TMEM51: variants seen among roughly 807,000 people sequenced by gnomAD.
TMEM51 encodes transmembrane protein 51.
A neutral mutation model predicts 13.6 loss-of-function variants in TMEM51; 8 were observed. That is an observed-to-expected ratio of 0.59 (90% CI 0.35 to 1.07). The LOEUF (loss-of-function observed/expected upper bound fraction) is 1.07. Ranked by LOEUF, TMEM51 falls within the 50% of genes least tolerant of loss-of-function variation. The pLI, the probability that TMEM51 is intolerant of heterozygous loss-of-function variation, is 0.02. For missense variants in TMEM51, 279 were observed against 330.7 expected (o/e 0.84, Z 1.21); for synonymous variants, 147 against 144.4 (o/e 1.02, Z -0.13).
At chr1:15,167,219 C>T (rs1277675253) in intron 1 of TMEM51, among the ~76,000 whole-genome samples, 14 of 148,704 alleles carry the variant, frequency 9.4e-5, no homozygotes, top group Admixed American at 2.8e-4. Flanking sequence ...CCCAGCTACT[C>T]GGGAAGCTGA....
Position 15,219,498 on chromosome 1 carries a change from A to C in TMEM51, c.517A>C (p.Thr173Pro). 6.2e-7 allele frequency: 1 copy of C among 1,613,936 alleles called. No individual in the cohort carries two copies. Among genetic ancestry groups the C allele is most frequent in the Non-Finnish European group, 8.5e-7 (1 of 1,179,992 alleles). ...GACGGGGCTCGACGAGACCACCCCC[A>C]CATCCACCAGGGCTGACGTGGAGGC... is the stretch of plus-strand genomic sequence containing the variant. Reference protein sequence around the residue: ...SLTGLDETTPTSTRADVEASP... With the variant: ...SLTGLDETTPPSTRADVEASP... Residue 173 changes from threonine to proline, a missense_variant, in exon 4 of 4, where the codon ACA becomes CCA. Physicochemically the swap from Thr to Pro is conservative, Grantham distance 38. Transcript: ENST00000376008.
chr1:15,200,431 A>AAAAAAG (rs1491142333), intron 1 of TMEM51, among the ~76,000 whole-genome samples: 25 of 125,324 alleles, frequency 2.0e-4, no homozygotes, highest in African/African-American at 6.9e-4. Context: ...AAAAAAAAAA[A>AAAAAAG]AGAGAGAGAT....
At chr1:15,158,548 C>G (rs1471060544) in intron 1 of TMEM51, among the ~76,000 whole-genome samples, 1 of 152,230 alleles carries the variant, frequency 6.6e-6, no homozygotes, top group East Asian at 1.9e-4. Flanking sequence ...AGGCAAGTTG[C>G]AGGTCTCTAG....
chr1:15,174,816 TG>T (rs1643404111), intron 1 of TMEM51, among the ~76,000 whole-genome samples: 1 of 152,176 alleles, frequency 6.6e-6, no homozygotes, highest in Admixed American at 6.5e-5. Flanking sequence ...GAACTTTCCT[TG>T]ATGCACGTGT....
chr1:15,192,007 G>T (rs1269510492), intron 1 of TMEM51: 1 of 529,774 alleles, frequency 1.9e-6, no homozygotes, highest in Non-Finnish European at 3.9e-6. Flanking sequence ...TGTTCCTTCA[G>T]TTGTTGCGTC....
chr1:15,175,717 G>A (rs1218311394), intron 1 of TMEM51, among the ~76,000 whole-genome samples: 3 of 152,204 alleles, frequency 2.0e-5, no homozygotes, highest in African/African-American at 7.2e-5. Flanking sequence ...GCTTGTGCAG[G>A]GGAACTGCCA....
At position 15,178,559 on chromosome 1, in the gene TMEM51, T is replaced by A. The variant is rs115561189; in HGVS notation, c.-267+24605T>A. Among the ~76,000 whole-genome samples, 1,516 of 152,320 alleles carry A rather than the reference T, an allele frequency of 1.0e-2. 28 individuals carry two copies. The highest frequency in any genetic ancestry group is 0.034 in the African/African-American group (1,431 of 41,574). On this transcript the variant is annotated intron_variant, in intron 1 of 3. Coordinates refer to ENST00000376008, the MANE Select transcript of TMEM51 (RefSeq NM_001136218.2). ...TAACGGCCGGGTCTCAAACTGCTGC[T>A]CCCTTTGCTTCCTGACCCCCATCTG...
In TMEM51 at chr1:15,220,002, A is replaced by G. The variant is rs932070106; in HGVS notation, c.*259A>G. On this transcript the variant is annotated 3_prime_UTR_variant, in exon 4 of 4. Coordinates refer to ENST00000376008, the MANE Select transcript of TMEM51 (RefSeq NM_001136218.2). Reference sequence around the variant, plus strand: ...TGGACCACATTCAAGGGTGTGGCACAGGCATCTTCCCATCCTTTTCACTCC... The same window carrying G: ...TGGACCACATTCAAGGGTGTGGCACGGGCATCTTCCCATCCTTTTCACTCC... 4.1e-6 allele frequency: 2 copies of G among 493,320 alleles called. No homozygotes were observed. The highest frequency in any genetic ancestry group is 3.5e-5 in the Admixed American group (1 of 28,862). The allele number at this position is 493,320 out of a possible 1,614,324, so 30.6% of individuals were successfully genotyped here. A position where few individuals can be genotyped will look rare whatever the true frequency, so the allele number is the denominator to read the frequency against.
chr1:15,187,837 C>T (rs928343065), intron 1 of TMEM51, among the ~76,000 whole-genome samples: 3 of 152,126 alleles, frequency 2.0e-5, no homozygotes, highest in Admixed American at 2.0e-4. Context: ...TCAAAACACC[C>T]CGGCCAAGGA....
chr1:15,163,748 A>G (rs1354427720), intron 1 of TMEM51, among the ~76,000 whole-genome samples: 4 of 146,764 alleles, frequency 2.7e-5, no homozygotes, highest in South Asian at 4.3e-4. Flanking sequence ...ATAATTTTAG[A>G]TTTATAGAAA....
At chr1:15,210,022 C>G (rs1248139328) in intron 1 of TMEM51, among the ~76,000 whole-genome samples, 2 of 151,540 alleles carry the variant, frequency 1.3e-5, no homozygotes, top group East Asian at 1.9e-4. Flanking sequence ...AAAAGTAAGA[C>G]TCAGGAAGGA....
chr1:15,215,977 A>G (rs547781531), intron 3 of TMEM51, among the ~76,000 whole-genome samples: 1 of 152,164 alleles, frequency 6.6e-6, no homozygotes, highest in East Asian at 1.9e-4. Flanking sequence ...GCAGTGAGTG[A>G]GCTGAGATAC....
chr1:15,219,777 C>G lies in TMEM51; in HGVS notation c.*34C>G. The G allele has an allele frequency of 1.9e-6, 3 of 1,598,100 alleles. No homozygotes were observed. Among genetic ancestry groups the G allele is most frequent in the Non-Finnish European group, 2.6e-6 (3 of 1,171,956 alleles). ...ACTTGAGCCACGCTCCCTCCTGTCT[C>G]TCACACCTTTCACCCCCAAGACTCT... is the stretch of plus-strand genomic sequence containing the variant. On this transcript the variant is annotated 3_prime_UTR_variant, in exon 4 of 4. Transcript: ENST00000376008.
chr1:15,167,051 G>A (rs980210052), intron 1 of TMEM51, among the ~76,000 whole-genome samples: 11 of 152,122 alleles, frequency 7.2e-5, no homozygotes, highest in Non-Finnish European at 4.4e-5. Context: ...GAAATGGCTG[G>A]GTGCGGTGGC....
intron 1 of TMEM51, among the ~76,000 whole-genome samples, chr1:15,179,208 C>T (rs1311362152): frequency 6.6e-6 from 1 of 152,128 alleles, no homozygotes; most frequent in African/African-American, 2.4e-5. Context: ...CCAGCAATTG[C>T]ACTTCTGGGT....
At chr1:15,171,681 A>T (rs1026280919) in intron 1 of TMEM51, among the ~76,000 whole-genome samples, 3 of 152,152 alleles carry the variant, frequency 2.0e-5, no homozygotes, top group African/African-American at 4.8e-5. Flanking sequence ...CTTTCCACAG[A>T]TTCCTCTTTT....
chr1:15,160,710 A>T (rs936343795), intron 1 of TMEM51, among the ~76,000 whole-genome samples: 4 of 152,004 alleles, frequency 2.6e-5, no homozygotes, highest in African/African-American at 9.7e-5. Flanking sequence ...GTGGGTAATT[A>T]TTGTTTTCAA....
At chr1:15,167,291 C>T (rs6661083) in intron 1 of TMEM51, among the ~76,000 whole-genome samples, 32,191 of 140,018 alleles carry the variant, frequency 0.23, 3,700 homozygotes, top group East Asian at 0.33. Flanking sequence ...GACGCCACTG[C>T]ACTCCAGCCT....
At chr1:15,185,426 T>C (rs1643744908) in intron 1 of TMEM51, among the ~76,000 whole-genome samples, 1 of 152,216 alleles carries the variant, frequency 6.6e-6, no homozygotes, top group Non-Finnish European at 1.5e-5. Context: ...TGGGATAATA[T>C]AGTCCTACCC....
Sources: allele counts gnomAD v4.1 joint callset (sites outside exome capture counted in the v4.1 genomes callset), GRCh38; gene constraint gnomAD v4.1.1; transcripts MANE v1.5; gene names NCBI Gene and HGNC (gene_info 2026-07-23, HGNC 2026-07-21).